NTRK2: variants seen among roughly 807,000 people sequenced by gnomAD.
The protein encoded by NTRK2 is BDNF/NT-3 growth factors receptor.
Under a neutral mutation model 94.5 loss-of-function variants are expected in NTRK2, and 13 were observed. That is an observed-to-expected ratio of 0.14 (90% CI 0.09 to 0.22). The LOEUF (loss-of-function observed/expected upper bound fraction) is 0.22, where lower values mean the gene tolerates loss of function less well. NTRK2 is among the 10% of genes least tolerant of loss of function. The pLI is 1.00. For missense variants in NTRK2, 639 were observed against 1,071.2 expected (o/e 0.60, Z 5.63); for synonymous variants, 372 against 407.4 (o/e 0.91, Z 1.05).
intron 17 of NTRK2, among the ~76,000 whole-genome samples, chr9:84,974,823 C>G (rs1253339098): frequency 1.3e-5 from 2 of 152,280 alleles, no homozygotes; most frequent in East Asian, 3.9e-4. Flanking sequence ...TTCAGCTTTC[C>G]CTAAGCAGCC....
chr9:84,742,721 C>A lies in NTRK2; in HGVS notation c.1195+794C>A, dbSNP rs191567599. ...CTTCCCCGAAGGTGGATAGGCTTAA[C>A]CCCTTGAAAAAAAAAATGGGATTCT... On this transcript the variant is annotated intron_variant, in intron 10 of 18. Coordinates refer to ENST00000277120, the MANE Select transcript of NTRK2 (RefSeq NM_006180.6). 3.3e-5 allele frequency among the ~76,000 whole-genome samples: 5 copies of A among 150,038 alleles called. No homozygotes were observed. In the East Asian group the frequency reaches 9.7e-4, roughly 29 times the overall value.
In NTRK2 at chr9:84,710,633, G is replaced by C. The variant is rs1364057066; in HGVS notation, c.429-4G>C. On this transcript the variant is annotated splice_region_variant and splice_polypyrimidine_tract_variant and intron_variant, in intron 5 of 18. Transcript: ENST00000277120. Reference sequence around the variant, plus strand: ...TGATCTGTTGTCATTTTTGTTCCCTGTAGGATCCTGGTGGGCAATCCATTT... The same window carrying C: ...TGATCTGTTGTCATTTTTGTTCCCTCTAGGATCCTGGTGGGCAATCCATTT... 1 of 1,614,094 alleles carries C rather than the reference G, an allele frequency of 6.2e-7. No individual in the cohort carries two copies. Among genetic ancestry groups the C allele is most frequent in the Admixed American group, 1.7e-5 (1 of 60,018 alleles).
chr9:84,930,031 C>T (rs2077967850), intron 14 of NTRK2, among the ~76,000 whole-genome samples: 1 of 152,296 alleles, frequency 6.6e-6, no homozygotes, highest in East Asian at 1.9e-4. Flanking sequence ...ATGCTTCACT[C>T]AGGATATTTT....
At chr9:84,897,439 G>GCC (rs1402135657) in intron 14 of NTRK2, among the ~76,000 whole-genome samples, 2 of 152,132 alleles carry the variant, frequency 1.3e-5, no homozygotes, top group Admixed American at 1.3e-4. Flanking sequence ...CTGGCCTTGA[G>GCC]CCCCCGTTCT....
intron 12 of NTRK2, chr9:84,811,909 A>ACCGG: frequency 1.6e-6 from 1 of 629,980 alleles, no homozygotes; most frequent in Non-Finnish European, 2.0e-6. Context: ...GGCTATCCCC[A>ACCGG]CCCCACCCCA....
chr9:85,015,053 T>C (rs1832067402), intron 17 of NTRK2, among the ~76,000 whole-genome samples: 1 of 152,240 alleles, frequency 6.6e-6, no homozygotes, highest in East Asian at 1.9e-4. Context: ...TTAGCCCTGA[T>C]GGTCATCTGG....
At chr9:84,764,579 A>C (rs969783094) in intron 12 of NTRK2, among the ~76,000 whole-genome samples, 1 of 152,176 alleles carries the variant, frequency 6.6e-6, no homozygotes, top group Non-Finnish European at 1.5e-5. Flanking sequence ...ACTATATCAA[A>C]AATATTATTT....
chr9:84,783,033 G>C (rs1053047372), intron 12 of NTRK2, among the ~76,000 whole-genome samples: 120 of 151,520 alleles, frequency 7.9e-4, no homozygotes, highest in African/African-American at 2.8e-3. Context: ...AGATATTCCA[G>C]AACTTGTTTC....
chr9:84,915,992 A>T (rs759375852), intron 14 of NTRK2, among the ~76,000 whole-genome samples: 2 of 152,054 alleles, frequency 1.3e-5, no homozygotes, highest in Non-Finnish European at 2.9e-5. Context: ...ACTTAAGGAA[A>T]GGAGGTTTAG....
At position 84,706,521 on chromosome 9, in the gene NTRK2, G is replaced by GTT. The variant is rs1173199220; in HGVS notation, c.360-1319_360-1318dup. ...TCAGATCTCATGTGTGTTATTTTTT[G>GTT]TTTTTGTTTTTTTTTTTTTTTTTTT... On this transcript the variant is annotated intron_variant, in intron 4 of 18. Transcript: ENST00000277120. 2.5e-3 allele frequency among the ~76,000 whole-genome samples: 239 copies of GTT among 95,334 alleles called. 21 individuals carry two copies. The highest frequency in any genetic ancestry group is 4.8e-3 in the African/African-American group (115 of 23,994). 62.5% of individuals were successfully genotyped at this position (95,334 alleles called of 152,430 possible). A position where few individuals can be genotyped will look rare whatever the true frequency, so the allele number is the denominator to read the frequency against.
At chr9:84,849,603 T>C (rs2074652817) in intron 12 of NTRK2, among the ~76,000 whole-genome samples, 1 of 152,156 alleles carries the variant, frequency 6.6e-6, no homozygotes, top group Non-Finnish European at 1.5e-5. Flanking sequence ...ATGCTAGAAA[T>C]ACAGTGGGGA....
At chr9:84,733,725 C>T (rs1267118945) in intron 9 of NTRK2, among the ~76,000 whole-genome samples, 1 of 152,072 alleles carries the variant, frequency 6.6e-6, no homozygotes, top group Non-Finnish European at 1.5e-5. Context: ...CAGGGATGTC[C>T]CTGCCTTGAT....
At chr9:84,834,712 A>G (rs1031900798) in intron 12 of NTRK2, among the ~76,000 whole-genome samples, 1 of 152,204 alleles carries the variant, frequency 6.6e-6, no homozygotes, top group African/African-American at 2.4e-5. Flanking sequence ...TGCAGGCAAC[A>G]GGAAAGGCAT....
intron 12 of NTRK2, among the ~76,000 whole-genome samples, chr9:84,833,101 G>C (rs1203932921): frequency 6.8e-6 from 1 of 147,238 alleles, no homozygotes; most frequent in East Asian, 2.0e-4. Context: ...ATTGGTGGTG[G>C]TGGTGGTGGT....
At chr9:84,915,596 T>C (rs4304401) in intron 14 of NTRK2, among the ~76,000 whole-genome samples, 19,677 of 152,134 alleles carry the variant, frequency 0.13, 2,133 homozygotes, top group African/African-American at 0.29. Context: ...CATCCTAGAA[T>C]TGTGAACCAG....
At chr9:84,945,562 T>C (rs927664849) in intron 15 of NTRK2, among the ~76,000 whole-genome samples, 1 of 152,166 alleles carries the variant, frequency 6.6e-6, no homozygotes, top group Non-Finnish European at 1.5e-5. Context: ...TTCAGCGAGA[T>C]AAGCACATCA....
intron 15 of NTRK2, among the ~76,000 whole-genome samples, chr9:84,942,835 C>T (rs766834092): frequency 2.0e-5 from 3 of 151,924 alleles, no homozygotes; most frequent in Non-Finnish European, 4.4e-5. Flanking sequence ...CATCACTAGC[C>T]ACCTGTGACT....
intron 17 of NTRK2, among the ~76,000 whole-genome samples, chr9:84,957,053 C>T (rs1224086659): frequency 6.6e-6 from 1 of 152,068 alleles, no homozygotes; most frequent in Admixed American, 6.6e-5. Flanking sequence ...ACTTTACCTA[C>T]CAGAGATGGT....
At chr9:84,805,509 G>A (rs554296700) in intron 12 of NTRK2, among the ~76,000 whole-genome samples, 66 of 152,274 alleles carry the variant, frequency 4.3e-4, no homozygotes, top group Middle Eastern at 3.4e-3. Context: ...ATGTGATTTC[G>A]TACTGGAAGC....
Sources: allele counts gnomAD v4.1 joint callset (sites outside exome capture counted in the v4.1 genomes callset), GRCh38; gene constraint gnomAD v4.1.1; transcripts MANE v1.5; gene names NCBI Gene and HGNC (gene_info 2026-07-23, HGNC 2026-07-21).